The following CCDC40 variants were observed in gnomAD, a reference collection of about 807,000 sequenced individuals.
CCDC40 encodes the protein coiled-coil domain-containing protein 40.
In CCDC40, 104 loss-of-function variants were observed where a neutral mutation model predicts 124.5. That is an observed-to-expected ratio of 0.84 (90% CI 0.71 to 0.98). The LOEUF (loss-of-function observed/expected upper bound fraction) is 0.98, where lower values mean the gene tolerates loss of function less well. CCDC40 is among the 50% of genes least tolerant of loss of function. The pLI, the probability that CCDC40 is intolerant of heterozygous loss-of-function variation, is 0.00. For synonymous variants in CCDC40, 580 were observed against 602.9 expected, an observed-to-expected ratio of 0.96 and a Z score of 0.56; for missense variants, 1,463 against 1,503.9, an observed-to-expected ratio of 0.97 and a Z score of 0.45.
intron 10 of CCDC40, among the ~76,000 whole-genome samples, chr17:80,075,135 G>C (rs1215820947): frequency 6.6e-6 from 1 of 152,066 alleles, no homozygotes. Flanking sequence ...GTGTTGGCCA[G>C]GCTGGTCTTG....
At chr17:80,073,383 C>A (rs1272473412) in intron 10 of CCDC40, among the ~76,000 whole-genome samples, 4 of 152,218 alleles carry the variant, frequency 2.6e-5, no homozygotes, top group African/African-American at 4.8e-5. Context: ...TGCCTCTGCA[C>A]CACATGTTGG....
Position 80,087,940 on chromosome 17 carries a change from G to A in CCDC40, c.2620-71G>A, listed in dbSNP as rs567117610. ...CAGCCCTGCCCTCGGTGCCGGGATA[G>A]AGGGCACCAGCCCCGGCATCCACAA... On this transcript the variant is annotated intron_variant, in intron 15 of 19. Coordinates refer to ENST00000397545, the MANE Select transcript of CCDC40 (RefSeq NM_017950.4). This position sits in a 1 kb window ranked among gnomAD's most constrained non-coding sequence, Gnocchi z 4.5. 1.3e-5 allele frequency: 18 copies of A among 1,345,542 alleles called. No homozygotes were observed. The highest frequency in any genetic ancestry group is 1.1e-6 in the Non-Finnish European group (1 of 935,890). The allele number at this position is 1,345,542 out of a possible 1,614,324, so 83.4% of individuals were successfully genotyped here.
intron 9 of CCDC40, among the ~76,000 whole-genome samples, chr17:80,061,583 C>T (rs1260164310): frequency 5.3e-5 from 8 of 152,194 alleles, no homozygotes; most frequent in Admixed American, 5.2e-4. Context: ...TTGCACCTCC[C>T]GCCCTCCCCT....
At chr17:80,071,726 C>T (rs2038191674) in intron 10 of CCDC40, among the ~76,000 whole-genome samples, 4 of 152,038 alleles carry the variant, frequency 2.6e-5, no homozygotes, top group Non-Finnish European at 1.5e-5. Context: ...ATGATTTTGC[C>T]CACCTGTAGG....
At chr17:80,068,995 C>T (rs1027785049) in intron 10 of CCDC40, among the ~76,000 whole-genome samples, 24 of 152,192 alleles carry the variant, frequency 1.6e-4, no homozygotes, top group African/African-American at 5.1e-4. Context: ...ATGGCCTGTC[C>T]GTCCACATGG....
intron 16 of CCDC40, chr17:80,088,417 A>G (rs765927519): frequency 5.0e-6 from 2 of 397,306 alleles, no homozygotes; most frequent in Non-Finnish European, 9.6e-6. Flanking sequence ...ATGCCTCACT[A>G]ATTTTTGTAT....
At chr17:80,095,558 C>A in intron 18 of CCDC40, 107 bp downstream of exon 18, 2 of 1,078,886 alleles carry the variant, frequency 1.9e-6, no homozygotes, top group Non-Finnish European at 2.7e-6. Flanking sequence ...GCAGAGGCTG[C>A]AGTGGGGGCG....
At chr17:80,050,992 C>G (rs924070671) in intron 7 of CCDC40, among the ~76,000 whole-genome samples, 1 of 152,204 alleles carries the variant, frequency 6.6e-6, no homozygotes, top group Non-Finnish European at 1.5e-5. Context: ...TGCGGCAGGT[C>G]AGTGGGTAGC....
chr17:80,040,281 C>T lies in CCDC40; in HGVS notation c.552+11C>T. Reference sequence around the variant, plus strand: ...GCAGTGGGCAGATTGGTGAGTAGCCCTGACTTCTGTTTTGTGCCAGTGTCG... The same window carrying T: ...GCAGTGGGCAGATTGGTGAGTAGCCTTGACTTCTGTTTTGTGCCAGTGTCG... On this transcript the variant is annotated intron_variant, in intron 3 of 19. Coordinates refer to ENST00000397545, the MANE Select transcript of CCDC40 (RefSeq NM_017950.4). The T allele has an allele frequency of 6.2e-7, 1 of 1,611,700 alleles. No individual in the cohort carries two copies. Among genetic ancestry groups the T allele is most frequent in the Non-Finnish European group, 8.5e-7 (1 of 1,179,376 alleles).
intron 12 of CCDC40, among the ~76,000 whole-genome samples, chr17:80,083,690 G>A (rs535807594): frequency 5.6e-4 from 85 of 152,286 alleles, no homozygotes; most frequent in South Asian, 1.9e-3. Flanking sequence ...TATCACAAAC[G>A]TCCTCTCGAT....
intron 7 of CCDC40, among the ~76,000 whole-genome samples, chr17:80,053,613 G>C (rs971565363): frequency 6.6e-5 from 10 of 152,130 alleles, no homozygotes; most frequent in African/African-American, 2.4e-4. Flanking sequence ...TGTTTGTTGA[G>C]ATGGAGTCTC....
intron 10 of CCDC40, among the ~76,000 whole-genome samples, chr17:80,070,725 T>A (rs2038166649): frequency 6.6e-6 from 1 of 152,148 alleles, no homozygotes; most frequent in African/African-American, 2.4e-5. Context: ...TGAGCCGAGA[T>A]GGTGCCACTG....
At chr17:80,097,175 A>G in intron 18 of CCDC40, 70 bp from the exon 19 acceptor site, 1 of 1,560,504 alleles carries the variant, frequency 6.4e-7, no homozygotes, top group Non-Finnish European at 8.8e-7. Context: ...AGGTCCTCCC[A>G]GCCTGACTCT....
rs752426610 is a variant in CCDC40, at chr17:80,036,693, T to G, written c.29+2T>G. On this transcript the variant is annotated splice_donor_variant, in intron 1 of 19. Transcript: ENST00000397545. LOFTEE classifies it high-confidence loss of function. ...GGAACCGGGCGGCGCGGCGGGCCGG[T>G]AAGCCGGGCCGAGGGGCAGCGGGTC... 2 of 1,461,310 alleles carry G rather than the reference T, an allele frequency of 1.4e-6. No individual in the cohort carries two copies. Among genetic ancestry groups the G allele is most frequent in the East Asian group, 5.7e-5 (2 of 35,164 alleles). 90.5% of individuals were successfully genotyped at this position (1,461,310 alleles called of 1,614,324 possible). A position where few individuals can be genotyped will look rare whatever the true frequency, so the allele number is the denominator to read the frequency against.
Position 80,039,992 on chromosome 17 carries a change from G to T in CCDC40, c.274G>T (p.Glu92Ter). ...TGTGTCCTATGGAGATGCTGAAAGC[G>T]AAGAGGAATATTACTATACAGAAAC... is the stretch of plus-strand genomic sequence containing the variant. The part of the protein sequence containing the change: ...EAVSYGDAES[E>*]EEYYYTETSS... Residue 92 changes from glutamate (E) to a stop codon, truncating the protein, a stop_gained, in exon 3 of 20, where the codon GAA (glutamate) becomes TAA (stop). Transcript: ENST00000397545. LOFTEE classifies it high-confidence loss of function. 1 of 1,614,156 alleles carries T rather than the reference G, an allele frequency of 6.2e-7. No individual in the cohort carries two copies. The highest frequency in any genetic ancestry group is 8.5e-7 in the Non-Finnish European group (1 of 1,180,008).
intron 19 of CCDC40, chr17:80,097,905 GAAA>G: frequency 7.9e-5 from 1 of 12,718 alleles, no homozygotes; most frequent in Non-Finnish European, 1.5e-4. Flanking sequence ...GTCTCAAAAA[GAAA>G]AGAAAAGAAA....
chr17:80,048,525 G>T, intron 4 of CCDC40, 58 bp from the exon 5 acceptor site: 1 of 1,412,812 alleles, frequency 7.1e-7, no homozygotes, highest in South Asian at 1.2e-5. Flanking sequence ...CCCCAGAATA[G>T]AATCACTGAG....
chr17:80,067,693 G>A (rs1461071050), intron 10 of CCDC40: 3 of 1,535,432 alleles, frequency 2.0e-6, no homozygotes, highest in Non-Finnish European at 2.6e-6. Flanking sequence ...CGCTCACCAG[G>A]ATGCTATATA....
chr17:80,091,342 C>CACACACACAGAG (rs1555594249), intron 17 of CCDC40, among the ~76,000 whole-genome samples: 14 of 144,920 alleles, frequency 9.7e-5, no homozygotes, highest in Admixed American at 8.4e-4. Context: ...CACACACACA[C>CACACACACAGAG]AGAGAGAGAG....
Sources: allele counts gnomAD v4.1 joint callset (sites outside exome capture counted in the v4.1 genomes callset), GRCh38; gene constraint gnomAD v4.1.1; non-coding constraint Gnocchi (gnomAD v3.1); transcripts MANE v1.5; gene names NCBI Gene and HGNC (gene_info 2026-07-23, HGNC 2026-07-21).